The following CRPPA variants were observed in gnomAD, a reference collection of about 807,000 sequenced individuals.
CRPPA encodes D-ribitol-5-phosphate cytidylyltransferase.
A neutral mutation model predicts 52.0 loss-of-function variants in CRPPA; 43 were observed. The ratio of observed to expected loss-of-function variants is 0.83; its 90% CI spans 0.65 to 1.07. The LOEUF (loss-of-function observed/expected upper bound fraction) is 1.07. CRPPA is among the 50% of genes least tolerant of loss of function. The probability of loss-of-function intolerance (pLI) is 0.00; values close to 1 mark genes in which losing one functional copy is unlikely to be tolerated. For missense variants in CRPPA, 629 were observed against 551.7 expected (o/e 1.14, Z -1.40); for synonymous variants, 250 against 203.5 (o/e 1.23, Z -1.94).
intron 1 of CRPPA, among the ~76,000 whole-genome samples, chr7:16,416,833 C>A (rs534162207): frequency 5.9e-5 from 9 of 151,720 alleles, no homozygotes; most frequent in Admixed American, 1.3e-4. Flanking sequence ...CACAGTGAGA[C>A]CCTATCTCCA....
At chr7:16,279,214 C>A (rs138994651) in intron 5 of CRPPA, among the ~76,000 whole-genome samples, 145 of 152,194 alleles carry the variant, frequency 9.5e-4, no homozygotes, top group African/African-American at 3.3e-3. Context: ...TAAAATAGGG[C>A]CCATATAAAT....
intron 9 of CRPPA, among the ~76,000 whole-genome samples, chr7:16,203,760 CA>C (rs1210740784): frequency 6.6e-6 from 1 of 152,070 alleles, no homozygotes; most frequent in Admixed American, 6.6e-5. Context: ...TAAGAAGTCC[CA>C]ACTGATAAAC....
chr7:16,364,243 T>A (rs758608635), intron 3 of CRPPA, among the ~76,000 whole-genome samples: 2 of 152,224 alleles, frequency 1.3e-5, no homozygotes, highest in Non-Finnish European at 2.9e-5. Context: ...ATAATAATAG[T>A]GTCCATCCTA....
intron 9 of CRPPA, among the ~76,000 whole-genome samples, chr7:16,210,059 T>C (rs750237047): frequency 1.3e-5 from 2 of 152,226 alleles, no homozygotes; most frequent in Admixed American, 6.5e-5. Context: ...ATTTTACAGA[T>C]AATGTAAAAA....
chr7:16,288,078 C>T (rs921737894), intron 5 of CRPPA, among the ~76,000 whole-genome samples: 5 of 152,046 alleles, frequency 3.3e-5, no homozygotes, highest in Non-Finnish European at 5.9e-5. Flanking sequence ...CTACCAAAAC[C>T]TTGATCTCAG....
intron 9 of CRPPA, among the ~76,000 whole-genome samples, chr7:16,108,685 G>A (rs575509747): frequency 6.6e-5 from 10 of 151,756 alleles, no homozygotes; most frequent in East Asian, 1.9e-4. Context: ...AATATTCTCC[G>A]GGATAGATCT....
intron 9 of CRPPA, among the ~76,000 whole-genome samples, chr7:16,120,157 TCTC>T (rs1782453498): frequency 6.6e-6 from 1 of 152,182 alleles, no homozygotes; most frequent in Admixed American, 6.5e-5. Context: ...ACAAAGCCCT[TCTC>T]CTTGATCAAA....
intron 3 of CRPPA, among the ~76,000 whole-genome samples, chr7:16,339,917 G>A (rs1785779169): frequency 6.6e-6 from 1 of 151,888 alleles, no homozygotes; most frequent in Non-Finnish European, 1.5e-5. Context: ...AAAAAAAGTA[G>A]GTCAAAGGAA....
intron 6 of CRPPA, among the ~76,000 whole-genome samples, chr7:16,264,781 T>C (rs1316090055): frequency 6.6e-6 from 1 of 152,234 alleles, no homozygotes; most frequent in Non-Finnish European, 1.5e-5. Flanking sequence ...TTTGCCTTTC[T>C]AGCATTCAGC....
At chr7:16,221,452 G>C (rs1258824414) in intron 8 of CRPPA, among the ~76,000 whole-genome samples, 1 of 152,074 alleles carries the variant, frequency 6.6e-6, no homozygotes, top group Non-Finnish European at 1.5e-5. Context: ...AATGGGATCT[G>C]ATCAAACTAA....
chr7:16,152,284 A>G (rs1783090247), intron 9 of CRPPA, among the ~76,000 whole-genome samples: 1 of 151,978 alleles, frequency 6.6e-6, no homozygotes, highest in Admixed American at 6.5e-5. Flanking sequence ...ATGTACATTA[A>G]ATGTGTACAG....
chr7:16,389,911 T>A (rs1787389927), intron 2 of CRPPA, among the ~76,000 whole-genome samples: 1 of 3,150 alleles, frequency 3.2e-4, no homozygotes, highest in Non-Finnish European at 5.1e-4. Flanking sequence ...AAGCCTAGTA[T>A]ACAAAAAAAA....
chr7:16,225,232 G>T (rs1038632490), intron 8 of CRPPA, among the ~76,000 whole-genome samples: 2 of 151,872 alleles, frequency 1.3e-5, no homozygotes, highest in African/African-American at 4.8e-5. Context: ...AATGAAACCA[G>T]AAACTCACAT....
At chr7:16,370,144 G>A (rs917777662) in intron 3 of CRPPA, among the ~76,000 whole-genome samples, 2 of 152,214 alleles carry the variant, frequency 1.3e-5, no homozygotes, top group Non-Finnish European at 2.9e-5. Flanking sequence ...AATGAACTCA[G>A]GGAGGGGTTG....
At chr7:16,142,434 A>G (rs1468666948) in intron 9 of CRPPA, among the ~76,000 whole-genome samples, 2 of 152,248 alleles carry the variant, frequency 1.3e-5, no homozygotes, top group Non-Finnish European at 2.9e-5. Context: ...GTTCTACATT[A>G]TTGTATTAAA....
chr7:16,294,070 T>C (rs1318157957), intron 5 of CRPPA, among the ~76,000 whole-genome samples: 3 of 152,050 alleles, frequency 2.0e-5, no homozygotes, highest in Admixed American at 1.3e-4. Context: ...TCATCAGAGC[T>C]GTATCAATAC....
intron 8 of CRPPA, among the ~76,000 whole-genome samples, chr7:16,238,657 A>G (rs1783016661): frequency 1.3e-5 from 2 of 152,232 alleles, no homozygotes; most frequent in Admixed American, 1.3e-4. Flanking sequence ...TCTTGTGATA[A>G]GAATTAACAT....
At chr7:16,347,379 G>A (rs1487233340) in intron 3 of CRPPA, among the ~76,000 whole-genome samples, 3 of 152,226 alleles carry the variant, frequency 2.0e-5, no homozygotes, top group African/African-American at 7.2e-5. Context: ...ACCACTTACA[G>A]AGTGAATAAA....
At chr7:16,380,016 C>A (rs1326526411) in intron 2 of CRPPA, among the ~76,000 whole-genome samples, 1 of 151,484 alleles carries the variant, frequency 6.6e-6, no homozygotes, top group Non-Finnish European at 1.5e-5. Flanking sequence ...GCCAGAACTT[C>A]CAACACTACG....
Sources: gnomAD v4.1 joint callset for allele counts (sites outside exome capture counted in the v4.1 genomes callset) on GRCh38, gnomAD v4.1.1 for gene constraint, MANE v1.5 for transcripts, NCBI Gene and HGNC (gene_info 2026-07-23, HGNC 2026-07-21) for gene names.